The following CSMD1 variants were observed in gnomAD, a reference collection of about 807,000 sequenced individuals.
The protein encoded by CSMD1 is CUB and sushi domain-containing protein 1.
A neutral mutation model predicts 417.5 loss-of-function variants in CSMD1; 213 were observed. That is an observed-to-expected ratio of 0.51 (90% confidence interval 0.46 to 0.57). The LOEUF is 0.57. Among genes scored for constraint, CSMD1 ranks in the 20% least tolerant of loss-of-function variants. The pLI, the probability that CSMD1 is intolerant of heterozygous loss-of-function variation, is 0.00. For missense variants in CSMD1, 6,923 were observed against 4,529.7 expected (o/e 1.53, Z -15.17); for synonymous variants, 2,862 against 1,736.8 (o/e 1.65, Z -16.11).
At chr8:3,919,202 A>G (rs1809047344) in intron 5 of CSMD1, among the ~76,000 whole-genome samples, 1 of 148,352 alleles carries the variant, frequency 6.7e-6, no homozygotes, top group Admixed American at 6.6e-5. Context: ...AAAAAAAAAA[A>G]AAAAAAAAGA....
intron 2 of CSMD1, among the ~76,000 whole-genome samples, chr8:4,538,716 A>T (rs1797232720): frequency 6.6e-6 from 1 of 152,228 alleles, no homozygotes; most frequent in African/African-American, 2.4e-5. Context: ...CTTGTCATAC[A>T]TCCTAGCAAG....
chr8:3,603,683 T>A (rs552680925), intron 8 of CSMD1, among the ~76,000 whole-genome samples: 106 of 152,342 alleles, frequency 7.0e-4, no homozygotes, highest in Admixed American at 2.7e-3. Context: ...GTTTTTAAAA[T>A]TCCCTCTTGT....
chr8:4,858,141 T>C (rs1416394915), intron 1 of CSMD1, among the ~76,000 whole-genome samples: 1 of 150,224 alleles, frequency 6.7e-6, no homozygotes, highest in African/African-American at 2.5e-5. Flanking sequence ...ATCCAGCATA[T>C]AAACAGAGCC....
chr8:4,751,147 G>A (rs1811300064), intron 1 of CSMD1, among the ~76,000 whole-genome samples: 1 of 152,234 alleles, frequency 6.6e-6, no homozygotes, highest in African/African-American at 2.4e-5. Context: ...CACTTTGGGA[G>A]GCCGAGGTGG....
At chr8:4,133,958 A>G (rs982665710) in intron 3 of CSMD1, among the ~76,000 whole-genome samples, 2 of 152,216 alleles carry the variant, frequency 1.3e-5, no homozygotes, top group Admixed American at 1.3e-4. Flanking sequence ...GGTCATGCAA[A>G]CAAACATTTT....
intron 5 of CSMD1, among the ~76,000 whole-genome samples, chr8:3,988,242 G>C (rs1415744000): frequency 6.6e-6 from 1 of 152,092 alleles, no homozygotes; most frequent in Non-Finnish European, 1.5e-5. Flanking sequence ...TTGAACCTCG[G>C]CTTTCTGGAT....
chr8:4,855,100 C>T (rs1801714040), intron 1 of CSMD1, among the ~76,000 whole-genome samples: 1 of 151,970 alleles, frequency 6.6e-6, no homozygotes, highest in African/African-American at 2.4e-5. Flanking sequence ...AAGTGGGTCC[C>T]TGACCCCTGA....
chr8:3,523,634 G>A (rs1707241750), intron 10 of CSMD1, among the ~76,000 whole-genome samples: 1 of 150,724 alleles, frequency 6.6e-6, no homozygotes, highest in Non-Finnish European at 1.5e-5. Context: ...TGCACACCGA[G>A]ACACGTGCAC....
chr8:3,946,277 A>G (rs1033929341), intron 5 of CSMD1, among the ~76,000 whole-genome samples: 1 of 152,118 alleles, frequency 6.6e-6, no homozygotes, highest in African/African-American at 2.4e-5. Flanking sequence ...AACACAGTAA[A>G]CTAGTCTCAT....
intron 1 of CSMD1, among the ~76,000 whole-genome samples, chr8:4,862,667 C>G (rs1001405869): frequency 1.3e-5 from 2 of 151,986 alleles, no homozygotes; most frequent in African/African-American, 2.4e-5. Context: ...TGAATTAACA[C>G]CTGCAAGTGC....
At chr8:4,857,512 A>T (rs1563604292) in intron 1 of CSMD1, among the ~76,000 whole-genome samples, 1 of 152,338 alleles carries the variant, frequency 6.6e-6, no homozygotes, top group East Asian at 1.9e-4. Flanking sequence ...AAATTGATAG[A>T]CCGCTAGCAA....
intron 3 of CSMD1, among the ~76,000 whole-genome samples, chr8:4,197,965 G>T (rs534370451): frequency 1.6e-4 from 24 of 152,302 alleles, no homozygotes; most frequent in African/African-American, 5.8e-4. Flanking sequence ...TCATTGGCTT[G>T]ACTCTGGGAA....
At chr8:4,157,824 C>T (rs968607264) in intron 3 of CSMD1, among the ~76,000 whole-genome samples, 5 of 152,188 alleles carry the variant, frequency 3.3e-5, no homozygotes, top group Non-Finnish European at 5.9e-5. Context: ...TTTAGTCAGT[C>T]TCCTATCCTC....
rs565171793 is a variant in CSMD1, at chr8:4,812,700, C to T, written c.86-175142G>A. The stretch of plus-strand genomic sequence containing the variant: ...TTAAGCAAATAAAATATGAAAGAAA[C>T]ATGTAAAAAATACTATTAAAAGAAA... On this transcript the variant is annotated intron_variant, in intron 1 of 69. Coordinates refer to ENST00000635120, the MANE Select transcript of CSMD1 (RefSeq NM_033225.6). 5.3e-5 allele frequency among the ~76,000 whole-genome samples: 8 copies of T among 152,154 alleles called. No individual in the cohort carries two copies. The East Asian group carries it at 1.5e-3, about 29-fold the overall frequency.
chr8:3,307,120 T>G (rs1503279), intron 25 of CSMD1, among the ~76,000 whole-genome samples: 1 of 152,108 alleles, frequency 6.6e-6, no homozygotes, highest in Admixed American at 6.5e-5. Flanking sequence ...AAAAGAACAG[T>G]AGAGTGTATT....
chr8:4,604,740 A>T (rs916920313), intron 2 of CSMD1, among the ~76,000 whole-genome samples: 13 of 152,200 alleles, frequency 8.5e-5, no homozygotes, highest in Admixed American at 4.6e-4. Flanking sequence ...ATTTATGCAC[A>T]AAATATTGTT....
intron 7 of CSMD1, among the ~76,000 whole-genome samples, chr8:3,652,302 A>C (rs539958999): frequency 6.6e-6 from 1 of 151,120 alleles, no homozygotes; most frequent in African/African-American, 2.4e-5. Context: ...CACTGTCAGC[A>C]TGCTTAACCA....
Position 3,674,724 on chromosome 8 carries a change from TC to T in CSMD1, c.1009+33689del, listed in dbSNP as rs964667642. On this transcript the variant is annotated intron_variant, in intron 7 of 69. Coordinates refer to ENST00000635120, the MANE Select transcript of CSMD1 (RefSeq NM_033225.6). ...AGATGAGAGCCCCAGTCTTGCTGAT[TC>T]CAAGTCCCTGCCCTTCATCCCAACT... is the stretch of plus-strand genomic sequence containing the variant. 1.2e-4 allele frequency among the ~76,000 whole-genome samples: 18 copies of T among 152,172 alleles called. 1 individual carries two copies. Among genetic ancestry groups the T allele is most frequent in the African/African-American group, 3.9e-4 (16 of 41,452 alleles).
At chr8:4,137,441 T>C (rs1714802) in intron 3 of CSMD1, among the ~76,000 whole-genome samples, 37,337 of 99,678 alleles carry the variant, frequency 0.37, 11,816 homozygotes, top group Non-Finnish European at 0.52. Context: ...ATTAAATATA[T>C]TGTCAAAATA....
Sources: allele counts gnomAD v4.1 joint callset (sites outside exome capture counted in the v4.1 genomes callset), GRCh38; gene constraint gnomAD v4.1.1; transcripts MANE v1.5; gene names NCBI Gene and HGNC (gene_info 2026-07-23, HGNC 2026-07-21).